ANXA11: variants seen among roughly 807,000 people sequenced by gnomAD.
ANXA11 encodes annexin A11, also known as 56 kDa autoantigen.
Under a neutral mutation model 64.7 loss-of-function variants are expected in ANXA11, and 57 were observed. That is an observed-to-expected ratio of 0.88 (90% CI 0.71 to 1.10). The LOEUF (loss-of-function observed/expected upper bound fraction) is 1.10, where lower values mean the gene tolerates loss of function less well. ANXA11 is among the 50% of genes least tolerant of loss of function. The probability of loss-of-function intolerance (pLI) is 0.00; values close to 1 mark genes in which losing one functional copy is unlikely to be tolerated. For synonymous variants in ANXA11, 260 were observed against 265.2 expected (o/e 0.98, Z 0.19); for missense variants, 675 against 670.7 (o/e 1.01, Z -0.07).
Position 80,171,254 on chromosome 10 carries a change from C to A in ANXA11, c.56-339G>T, listed in dbSNP as rs572704933. The stretch of plus-strand genomic sequence containing the variant: ...GAGCAGGAGGACAGACAAGGACAGA[C>A]TGTTGTGGGACACCATGCTGAGCCC... On this transcript the variant is annotated intron_variant, in intron 3 of 15. Coordinates refer to ENST00000422982, the MANE Select transcript of ANXA11 (RefSeq NM_145868.2). The A allele has an allele frequency of 5.6e-5, 66 of 1,168,532 alleles. 1 individual carries two copies. The African/African-American group carries it at 8.9e-4, about 16-fold the overall frequency. The allele number at this position is 1,168,532 out of a possible 1,614,324, so 72.4% of individuals were successfully genotyped here.
intron 8 of ANXA11, 42 bp downstream of exon 8, chr10:80,166,042 G>GCGCACACACACA: frequency 2.2e-6 from 1 of 450,722 alleles, no homozygotes; most frequent in South Asian, 2.2e-5. Flanking sequence ...ACACACGCGC[G>GCGCACACACACA]CACACACACA....
rs746152448 is a variant in ANXA11 at position 80,155,866 on chromosome 10, C to A, written c.1505G>T (p.Gly502Val). ...ACCAGTCACTGTTCAGTCATTGCCA[C>A]CACAGATCTTCAGCAGAATCTTCCG... ...DYRKILLKIC[G>V]GND The change falls in exon 16 of 16, where the codon GGT (glycine) becomes GTT (valine). Residue 502 changes from glycine (G) to valine (V), a missense_variant. Physicochemically the swap from Gly to Val is moderately radical, Grantham distance 109. Coordinates refer to ENST00000422982, the MANE Select transcript of ANXA11 (RefSeq NM_145868.2). The A allele has an allele frequency of 3.1e-6, 5 of 1,614,220 alleles. No individual in the cohort carries two copies. In the Middle Eastern group the frequency reaches 8.2e-4, roughly 266 times the overall value.
intron 3 of ANXA11, chr10:80,171,152 TC>T: frequency 1.4e-6 from 2 of 1,415,840 alleles, no homozygotes; most frequent in Non-Finnish European, 1.8e-6. Context: ...CCCCAAACAC[TC>T]CCAAGACCCT....
chr10:80,160,788 C>A (rs928834741), intron 12 of ANXA11, among the ~76,000 whole-genome samples: 2 of 152,168 alleles, frequency 1.3e-5, no homozygotes, highest in African/African-American at 4.8e-5. Flanking sequence ...ACCCAGCAGC[C>A]TCCCTGCAGC....
chr10:80,197,488 A>G (rs1021129688), intron 1 of ANXA11, among the ~76,000 whole-genome samples: 4 of 152,130 alleles, frequency 2.6e-5, no homozygotes, highest in African/African-American at 9.7e-5. Context: ...TCTCAAGGAT[A>G]TTACCAGCCA....
chr10:80,203,976 G>A (rs1016974917), intron 1 of ANXA11, among the ~76,000 whole-genome samples: 4 of 152,196 alleles, frequency 2.6e-5, no homozygotes, highest in African/African-American at 9.7e-5. Context: ...TGGCTAATGT[G>A]GGTGACACCC....
intron 1 of ANXA11, among the ~76,000 whole-genome samples, chr10:80,177,761 C>T (rs1264741678): frequency 3.3e-5 from 5 of 152,138 alleles, no homozygotes; most frequent in Non-Finnish European, 7.3e-5. Flanking sequence ...AGGGTTCTAG[C>T]ACATTTACTC....
Position 80,166,071 on chromosome 10 carries a change from C to T in ANXA11, c.858+13G>A, listed in dbSNP as rs1845721338. ...ACACACACACACACACACACACACA[C>T]ACACGTACACACCTTGATGGCTTCC... On this transcript the variant is annotated intron_variant, in intron 8 of 15. Coordinates refer to ENST00000422982, the MANE Select transcript of ANXA11 (RefSeq NM_145868.2). The T allele has an allele frequency of 2.8e-6, 4 of 1,435,712 alleles. No homozygotes were observed. The highest frequency in any genetic ancestry group is 3.4e-5 in the Admixed American group (2 of 58,730). 88.9% of individuals were successfully genotyped at this position (1,435,712 alleles called of 1,614,324 possible). A position where few individuals can be genotyped will look rare whatever the true frequency, so the allele number is the denominator to read the frequency against.
rs1845912750 is a variant in ANXA11 at position 80,170,074 on chromosome 10, C to T, written c.172-716G>A. Among the ~76,000 whole-genome samples the T allele has an allele frequency of 2.0e-5, 3 of 152,156 alleles. No homozygotes were observed. In the South Asian group the frequency reaches 6.2e-4, roughly 32 times the overall value. ...TACATCACCCCACCCCCACTCCTGACCCCTTTACCCTGGTCAACTTGTTCC... is the reference window on the plus strand; with the variant it reads ...TACATCACCCCACCCCCACTCCTGATCCCTTTACCCTGGTCAACTTGTTCC... On this transcript the variant is annotated intron_variant, in intron 4 of 15. Transcript: ENST00000422982.
At chr10:80,168,522 CTT>C (rs986734105) in intron 5 of ANXA11, among the ~76,000 whole-genome samples, 1 of 152,002 alleles carries the variant, frequency 6.6e-6, no homozygotes, top group South Asian at 2.1e-4. Flanking sequence ...CTTTGTTTGT[CTT>C]TTTTTGTTTT....
chr10:80,178,004 C>CTCTGGT (rs1846229188), intron 1 of ANXA11, among the ~76,000 whole-genome samples: 1 of 152,162 alleles, frequency 6.6e-6, no homozygotes, highest in Non-Finnish European at 1.5e-5. Flanking sequence ...GCTCATGGTC[C>CTCTGGT]AGTCTTCTGG....
chr10:80,203,279 T>C (rs1332670109), intron 1 of ANXA11, among the ~76,000 whole-genome samples: 1 of 152,028 alleles, frequency 6.6e-6, no homozygotes, highest in African/African-American at 2.4e-5. Flanking sequence ...AAGCCACACA[T>C]CACCTCCCCA....
Position 80,151,733 on chromosome 10 carries a change from CT to C in ANXA11, c.*4119del, listed in dbSNP as rs1032146734. 2 of 152,210 alleles carry C rather than the reference CT, an allele frequency of 1.3e-5. No homozygotes were observed. Among genetic ancestry groups the C allele is most frequent in the African/African-American group, 4.8e-5 (2 of 41,442 alleles). 9.4% of individuals were successfully genotyped at this position (152,210 alleles called of 1,614,324 possible). A position where few individuals can be genotyped will look rare whatever the true frequency, so the allele number is the denominator to read the frequency against. On this transcript the variant is annotated 3_prime_UTR_variant, in exon 16 of 16. Transcript: ENST00000422982. ...ATCACCTGACTGAATTCCAAGCAGA[CT>C]GTGCCATCTGCTCACCTGCCCTCTG...
intron 8 of ANXA11, among the ~76,000 whole-genome samples, 178 bp downstream of exon 8, chr10:80,165,906 T>C (rs1447933061): frequency 6.6e-6 from 1 of 152,140 alleles, no homozygotes. Context: ...TTCTATAGCA[T>C]GTGGACTCCA....
chr10:80,161,906 G>A, intron 12 of ANXA11, 29 bp downstream of exon 12: 1 of 1,582,794 alleles, frequency 6.3e-7, no homozygotes, highest in African/African-American at 1.3e-5. Flanking sequence ...TCATCTAACT[G>A]GCCTCTGAGG....
chr10:80,172,621 G>A (rs976472360), intron 3 of ANXA11, among the ~76,000 whole-genome samples, 186 bp downstream of exon 3: 2 of 152,152 alleles, frequency 1.3e-5, no homozygotes, highest in African/African-American at 4.8e-5. Context: ...GATGGCCTTA[G>A]TGTCATGCTC....
In ANXA11 at chr10:80,187,581, TCTCA is replaced by T. The variant is rs1237392614; in HGVS notation, c.-57-11430_-57-11427del. ...CACACACACACACACTCTCTCTCTC[TCTCA>T]CACACTCCCAAAAAGGGAAACAGTG... On this transcript the variant is annotated intron_variant, in intron 1 of 15. Transcript: ENST00000422982. Among the ~76,000 whole-genome samples, 3 of 152,108 alleles carry T rather than the reference TCTCA, an allele frequency of 2.0e-5. No homozygotes were observed. The East Asian group carries it at 5.8e-4, about 29-fold the overall frequency.
In ANXA11 at chr10:80,154,969, C is replaced by T. The variant is rs1297133541; in HGVS notation, c.*884G>A. 2 of 152,284 alleles carry T rather than the reference C, an allele frequency of 1.3e-5. No homozygotes were observed. The highest frequency in any genetic ancestry group is 2.4e-5 in the African/African-American group (1 of 41,454). The allele number at this position is 152,284 out of a possible 1,614,324, so 9.4% of individuals were successfully genotyped here. On this transcript the variant is annotated 3_prime_UTR_variant, in exon 16 of 16. Transcript: ENST00000422982. ...CCTGGATTTCGGGAACCTCCCTTCC[C>T]ATGTCCTTACGAGTCCCTGCAAACT...
Position 80,161,802 on chromosome 10 carries a change from C to T in ANXA11, c.1180+133G>A, listed in dbSNP as rs954961981. ...TCTGACAGTGTCTTTTAAATTCCCA[C>T]CAGGGGGCTCTTTTGAGGAGGCGAA... On this transcript the variant is annotated intron_variant, in intron 12 of 15. Transcript: ENST00000422982. 57 of 712,412 alleles carry T rather than the reference C, an allele frequency of 8.0e-5. No homozygotes were observed. In the African/African-American group the frequency reaches 9.8e-4, roughly 12 times the overall value. 44.1% of individuals were successfully genotyped at this position (712,412 alleles called of 1,614,324 possible). A position where few individuals can be genotyped will look rare whatever the true frequency, so the allele number is the denominator to read the frequency against.
Sources: allele counts gnomAD v4.1 joint callset (sites outside exome capture counted in the v4.1 genomes callset), GRCh38; gene constraint gnomAD v4.1.1; transcripts MANE v1.5; gene names NCBI Gene and HGNC (gene_info 2026-07-23, HGNC 2026-07-21).